ELP4: variants seen among roughly 807,000 people sequenced by gnomAD.
ELP4 encodes elongator complex protein 4.
Under a neutral mutation model 48.9 loss-of-function variants are expected in ELP4, and 51 were observed. The observed-to-expected ratio is 1.04, with a 90% CI of 0.83 to 1.32. The LOEUF is 1.32. ELP4 is among the 40% of genes most tolerant of loss of function. ELP4 has a pLI of 0.00. For missense variants in ELP4, 519 were observed against 514.6 expected (o/e 1.01, Z -0.08); for synonymous variants, 210 against 189.2 (o/e 1.11, Z -0.90).
chr11:31,643,660 C>T (rs1945144282), intron 7 of ELP4, among the ~76,000 whole-genome samples: 1 of 151,730 alleles, frequency 6.6e-6, no homozygotes, highest in African/African-American at 2.4e-5. Context: ...ATAGTTTTGA[C>T]TTTAAGAACT....
chr11:31,611,622 G>A (rs528083100), intron 5 of ELP4, among the ~76,000 whole-genome samples: 7 of 152,312 alleles, frequency 4.6e-5, no homozygotes, highest in Admixed American at 2.6e-4. Flanking sequence ...TCATATGTCC[G>A]ATAATATTTA....
chr11:31,567,054 C>T (rs546107842), intron 3 of ELP4, among the ~76,000 whole-genome samples: 19 of 151,980 alleles, frequency 1.3e-4, no homozygotes, highest in African/African-American at 4.3e-4. Context: ...TTTCAGCCTC[C>T]CGAGTAACTG....
chr11:31,565,384 C>G (rs1459418394), intron 3 of ELP4, among the ~76,000 whole-genome samples: 6 of 149,838 alleles, frequency 4.0e-5, no homozygotes, highest in Admixed American at 4.0e-4. Flanking sequence ...TTAATTAGAT[C>G]CCATTTGTCA....
intron 9 of ELP4, among the ~76,000 whole-genome samples, chr11:31,741,492 C>A (rs1245980702): frequency 2.0e-5 from 3 of 152,134 alleles, no homozygotes; most frequent in Non-Finnish European, 4.4e-5. Flanking sequence ...TGGGAGACAC[C>A]CCCCAGTAGG....
chr11:31,664,984 C>G (rs1003511418), intron 9 of ELP4, among the ~76,000 whole-genome samples: 7 of 152,076 alleles, frequency 4.6e-5, no homozygotes, highest in Admixed American at 1.3e-4. Flanking sequence ...TTTGAACATG[C>G]AATTGGTCAC....
At chr11:31,553,996 T>C (rs1486233140) in intron 3 of ELP4, among the ~76,000 whole-genome samples, 3 of 152,266 alleles carry the variant, frequency 2.0e-5, no homozygotes, top group South Asian at 2.1e-4. Context: ...CAGATTCTCA[T>C]AGGAGCATGA....
intron 2 of ELP4, among the ~76,000 whole-genome samples, chr11:31,528,170 A>G (rs1359103861): frequency 1.3e-5 from 2 of 152,036 alleles, no homozygotes; most frequent in Non-Finnish European, 2.9e-5. Flanking sequence ...CATTTTTTAC[A>G]TCAGGTAATC....
chr11:31,560,235 A>G (rs1191795568), intron 3 of ELP4, among the ~76,000 whole-genome samples: 6 of 152,164 alleles, frequency 3.9e-5, no homozygotes, highest in Admixed American at 2.6e-4. Flanking sequence ...TTGAAGCTTT[A>G]GACTACTTCT....
At chr11:31,569,478 C>T (rs541302807) in intron 3 of ELP4, among the ~76,000 whole-genome samples, 16 of 152,274 alleles carry the variant, frequency 1.1e-4, no homozygotes, top group Non-Finnish European at 2.2e-4. Flanking sequence ...TAGAACACCA[C>T]GGTGTCTGAC....
At chr11:31,645,811 G>A (rs1945186112) in intron 7 of ELP4, 1 of 151,434 alleles carries the variant, frequency 6.6e-6, no homozygotes, top group African/African-American at 2.4e-5. Flanking sequence ...CTTCTTAATG[G>A]GGGAGCCACA....
In ELP4 at chr11:31,789,634, A is replaced by C; in HGVS notation, c.*6110A>C. On this transcript the variant is annotated 3_prime_UTR_variant, in exon 10 of 10. Coordinates refer to ENST00000640961, the MANE Select transcript of ELP4 (RefSeq NM_019040.5). ...CAGATCAAACATCCATCCAGTCTAC[A>C]TTGTTCTTTTTTTCATTATAACATA... The C allele has an allele frequency of 1.4e-6, 1 of 696,574 alleles. No homozygotes were observed. The highest frequency in any genetic ancestry group is 2.7e-5 in the East Asian group (1 of 37,228). 43.1% of individuals were successfully genotyped at this position (696,574 alleles called of 1,614,324 possible).
chr11:31,526,674 T>C (rs2133887362), intron 2 of ELP4, among the ~76,000 whole-genome samples: 1 of 152,160 alleles, frequency 6.6e-6, no homozygotes, highest in South Asian at 2.1e-4. Flanking sequence ...TATTCACAAA[T>C]GCAGAGATAT....
intron 9 of ELP4, among the ~76,000 whole-genome samples, chr11:31,761,298 A>T (rs903016582): frequency 1.7e-4 from 26 of 151,660 alleles, no homozygotes; most frequent in African/African-American, 6.3e-4. Context: ...TGATTGCACG[A>T]CTACACTCCA....
intron 3 of ELP4, among the ~76,000 whole-genome samples, chr11:31,549,531 T>G (rs1477636602): frequency 1.3e-5 from 2 of 151,784 alleles, no homozygotes; most frequent in African/African-American, 4.8e-5. Context: ...ACTTTTACAC[T>G]GTTGGTGGGA....
rs762887735 is a variant in ELP4 at position 31,509,968 on chromosome 11, C to T, written c.184C>T (p.Leu62=). The change falls in exon 1 of 10, where the codon CTG becomes TTG. Residue 62 remains leucine, a synonymous_variant. Transcript: ENST00000640961. ...TRPSVRNGQL[L]VSTGLPALDQ... ...ACCGTCGGTGCGGAATGGACAGCTG[C>T]TGGTATCAACCGGGCTCCCAGCCCT... is the stretch of plus-strand genomic sequence containing the variant. The T allele has an allele frequency of 3.1e-6, 5 of 1,612,754 alleles. No individual in the cohort carries two copies. The highest frequency in any genetic ancestry group is 2.5e-6 in the Non-Finnish European group (3 of 1,180,024).
At chr11:31,548,468 G>T (rs1176695633) in intron 3 of ELP4, among the ~76,000 whole-genome samples, 1 of 151,922 alleles carries the variant, frequency 6.6e-6, no homozygotes, top group Non-Finnish European at 1.5e-5. Flanking sequence ...ACAAACCACT[G>T]CTCAATGAAA....
chr11:31,619,240 A>G (rs1449592812), intron 5 of ELP4, among the ~76,000 whole-genome samples: 1 of 151,930 alleles, frequency 6.6e-6, no homozygotes, highest in Non-Finnish European at 1.5e-5. Flanking sequence ...GTGATATTTT[A>G]TGGTATGAGG....
intron 9 of ELP4, among the ~76,000 whole-genome samples, chr11:31,667,527 G>A (rs1314232692): frequency 8.5e-5 from 13 of 152,050 alleles, no homozygotes; most frequent in Non-Finnish European, 1.5e-5. Context: ...CTTAATCTGC[G>A]TTAATTTTAT....
In ELP4 at chr11:31,623,378, T is replaced by TAAATATAA. The variant is rs1489778900; in HGVS notation, c.654-3731_654-3730insAATATAAA. ...AAATATATATATATATATATATATATATATATATATATAAAACTAGAAACA... is the reference window on the plus strand; with the variant it reads ...AAATATATATATATATATATATATATAAATATAAATATATATATATAAAACTAGAAACA... On this transcript the variant is annotated intron_variant, in intron 5 of 9. Transcript: ENST00000640961. 2.5e-4 allele frequency among the ~76,000 whole-genome samples: 16 copies of TAAATATAA among 63,374 alleles called. 1 individual carries two copies. Among genetic ancestry groups the TAAATATAA allele is most frequent in the African/African-American group, 1.5e-3 (16 of 10,920 alleles). 41.6% of individuals were successfully genotyped at this position (63,374 alleles called of 152,430 possible).
Sources: gnomAD v4.1 joint callset for allele counts (sites outside exome capture counted in the v4.1 genomes callset) on GRCh38, gnomAD v4.1.1 for gene constraint, MANE v1.5 for transcripts, NCBI Gene and HGNC (gene_info 2026-07-23, HGNC 2026-07-21) for gene names.